TRPC4: variants seen among roughly 807,000 people sequenced by gnomAD.
The protein encoded by TRPC4 is short transient receptor potential channel 4.
TRPC4 carries 49 observed loss-of-function variants against 99.4 expected under a neutral mutation model. That is an observed-to-expected ratio of 0.49 (90% CI 0.39 to 0.63). TRPC4 has a LOEUF of 0.63. TRPC4 is among the 20% of genes least tolerant of loss of function. TRPC4 has a pLI of 0.00. For synonymous variants in TRPC4, 454 were observed against 425.9 expected, an observed-to-expected ratio of 1.07 and a Z score of -0.81; for missense variants, 898 against 1,152.9, an observed-to-expected ratio of 0.78 and a Z score of 3.20.
intron 6 of TRPC4, among the ~76,000 whole-genome samples, chr13:37,656,215 G>T (rs975149950): frequency 2.6e-5 from 4 of 151,920 alleles, no homozygotes; most frequent in African/African-American, 9.7e-5. Context: ...TGTTTCAAAG[G>T]GACCATAATA....
chr13:37,694,909 C>T (rs1434012618), intron 3 of TRPC4, among the ~76,000 whole-genome samples: 1 of 152,098 alleles, frequency 6.6e-6, no homozygotes, highest in African/African-American at 2.4e-5. Context: ...TCCACATATT[C>T]TCGTGGTAAT....
intron 1 of TRPC4, among the ~76,000 whole-genome samples, chr13:37,798,537 T>G (rs939850114): frequency 6.6e-6 from 1 of 152,156 alleles, no homozygotes; most frequent in Non-Finnish European, 1.5e-5. Flanking sequence ...AATCTCAAAG[T>G]GTCATGATAC....
chr13:37,767,109 C>T (rs12429208), intron 2 of TRPC4, among the ~76,000 whole-genome samples: 35,424 of 151,032 alleles, frequency 0.23, 5,416 homozygotes, highest in Non-Finnish European at 0.35. Flanking sequence ...TTCTGAGAAA[C>T]ATATCTATAT....
rs750033296 is a variant in TRPC4 at position 37,639,058 on chromosome 13, C to A, written c.2193G>T (p.Leu731=). The A allele has an allele frequency of 6.2e-7, 1 of 1,613,584 alleles. No individual in the cohort carries two copies. The highest frequency in any genetic ancestry group is 1.3e-5 in the African/African-American group (1 of 75,030). The change falls in exon 10 of 11, where the codon CTG becomes CTT. Residue 731 remains leucine, a synonymous_variant. Coordinates refer to ENST00000379705, the MANE Select transcript of TRPC4 (RefSeq NM_016179.4). ...TGGTTACCTTAAAGTTCTCTTCGGT[C>A]AGGCCTTCTTCAGTTTTAGCATCTC... ...MIRDAKTEEG[L]TEENFKELKQ...
intron 8 of TRPC4, among the ~76,000 whole-genome samples, chr13:37,642,201 T>C (rs1232500857): frequency 6.6e-6 from 1 of 152,168 alleles, no homozygotes; most frequent in African/African-American, 2.4e-5. Flanking sequence ...CCAGACTCTG[T>C]AGGCAGTCAT....
chr13:37,748,624 AT>A (rs1337775236), intron 2 of TRPC4, among the ~76,000 whole-genome samples: 1 of 149,598 alleles, frequency 6.7e-6, no homozygotes, highest in Non-Finnish European at 1.5e-5. Context: ...TGGTCAATTG[AT>A]TGGTCAGTAA....
intron 3 of TRPC4, among the ~76,000 whole-genome samples, chr13:37,745,519 C>CGTATATATAT (rs1566138668): frequency 2.9e-5 from 3 of 104,780 alleles, no homozygotes; most frequent in Non-Finnish European, 5.2e-5. Flanking sequence ...TATATATATA[C>CGTATATATAT]GTATATATGT....
chr13:37,847,330 A>G (rs760303087), intron 1 of TRPC4, among the ~76,000 whole-genome samples: 1 of 152,146 alleles, frequency 6.6e-6, no homozygotes, highest in Non-Finnish European at 1.5e-5. Context: ...AACTGAAATC[A>G]TATCAAGCGG....
At chr13:37,684,654 A>G (rs1953397737) in intron 4 of TRPC4, among the ~76,000 whole-genome samples, 1 of 152,164 alleles carries the variant, frequency 6.6e-6, no homozygotes, top group South Asian at 2.1e-4. Flanking sequence ...GTTGCCTAAT[A>G]TATAGTTTCG....
At chr13:37,827,902 T>C (rs1958290648) in intron 1 of TRPC4, among the ~76,000 whole-genome samples, 2 of 152,170 alleles carry the variant, frequency 1.3e-5, no homozygotes, top group African/African-American at 4.8e-5. Context: ...GATCTCAGAC[T>C]GCTGTGCTAG....
chr13:37,846,179 G>A (rs1412380810), intron 1 of TRPC4, among the ~76,000 whole-genome samples: 1 of 152,098 alleles, frequency 6.6e-6, no homozygotes. Flanking sequence ...ATTGCTAAAA[G>A]TAGTTCTTTA....
At chr13:37,649,664 G>A (rs543945579) in intron 8 of TRPC4, among the ~76,000 whole-genome samples, 1 of 143,316 alleles carries the variant, frequency 7.0e-6, no homozygotes, top group South Asian at 2.3e-4. Flanking sequence ...AACCCGGAAG[G>A]CGGAGCTTGC....
chr13:37,865,337 C>A (rs1944006874), intron 1 of TRPC4, among the ~76,000 whole-genome samples: 1 of 151,358 alleles, frequency 6.6e-6, no homozygotes, highest in African/African-American at 2.4e-5. Flanking sequence ...CATTTTATTA[C>A]CAGCTTACAG....
At chr13:37,750,949 A>G (rs1955917205) in intron 2 of TRPC4, among the ~76,000 whole-genome samples, 1 of 152,040 alleles carries the variant, frequency 6.6e-6, no homozygotes. Flanking sequence ...TGTCTTTATC[A>G]GATTCTGGTA....
Position 37,655,263 on chromosome 13 carries a change from G to T in TRPC4, c.1709C>A (p.Ser570Tyr). 1 of 1,580,756 alleles carries T rather than the reference G, an allele frequency of 6.3e-7. No individual in the cohort carries two copies. The highest frequency in any genetic ancestry group is 1.2e-5 in the South Asian group (1 of 85,578). The change falls in exon 7 of 11, where the codon TCC becomes TAC. Residue 570 changes from serine (S) to tyrosine (Y), a missense_variant. Physicochemically the swap from Ser to Tyr is moderately radical, Grantham distance 144 (BLOSUM62 -2). Around this residue, in one of 3 missense-constraint regions of TRPC4, gnomAD observed 274 missense variants for 454.9 expected, o/e 0.60. Coordinates refer to ENST00000379705, the MANE Select transcript of TRPC4 (RefSeq NM_016179.4). ...AFSTLFETLQ[S>Y]LFWSIFGLIN... ...GAGCCCAAATATTGACCAAAACAGGGACTGCAGTGTCTCAAATAACCTGTA... is the reference window on the plus strand; with the variant it reads ...GAGCCCAAATATTGACCAAAACAGGTACTGCAGTGTCTCAAATAACCTGTA...
rs552328686 is a variant in TRPC4 at position 37,738,192 on chromosome 13, G to A, written c.897+7745C>T. Among the ~76,000 whole-genome samples, 58 of 152,304 alleles carry A rather than the reference G, an allele frequency of 3.8e-4. 1 individual carries two copies. The highest frequency in any genetic ancestry group is 1.3e-3 in the African/African-American group (55 of 41,584). ...AGCAGGATGTACAGTAGGTAGAGAG[G>A]ATGGCTTCTGGTTCTGGGAAGCCAT... On this transcript the variant is annotated intron_variant, in intron 3 of 10. Coordinates refer to ENST00000379705, the MANE Select transcript of TRPC4 (RefSeq NM_016179.4).
chr13:37,656,285 T>A (rs1271672866), intron 6 of TRPC4, among the ~76,000 whole-genome samples: 5 of 152,164 alleles, frequency 3.3e-5, no homozygotes, highest in African/African-American at 1.2e-4. Flanking sequence ...GGTAAATCGT[T>A]AAAATGAGAC....
chr13:37,674,098 A>G, intron 5 of TRPC4, 130 bp downstream of exon 5: 1 of 839,632 alleles, frequency 1.2e-6, no homozygotes. Flanking sequence ...CTATCAATAA[A>G]ACCATGAGCT....
chr13:37,856,713 A>G (rs1474137824), intron 1 of TRPC4, among the ~76,000 whole-genome samples: 1 of 151,824 alleles, frequency 6.6e-6, no homozygotes, highest in Non-Finnish European at 1.5e-5. Context: ...CCTGCAATGC[A>G]AGGATGGTTC....
Sources: allele counts gnomAD v4.1 joint callset (sites outside exome capture counted in the v4.1 genomes callset), GRCh38; gene constraint gnomAD v4.1.1; regional missense constraint gnomAD v4.1.1; transcripts MANE v1.5; gene names NCBI Gene and HGNC (gene_info 2026-07-23, HGNC 2026-07-21).